Variants in POMT1 observed in about 807,000 individuals in gnomAD.
POMT1 encodes the protein protein O-mannosyltransferase 1, also known as protein O-mannosyl-transferase 1.
In POMT1, 85 loss-of-function variants were observed where a neutral mutation model predicts 101.6. The ratio of observed to expected loss-of-function variants is 0.84; its 90% CI spans 0.70 to 1.00. POMT1 has a LOEUF of 1.00. POMT1 is among the 50% of genes least tolerant of loss of function. The pLI, the probability that POMT1 is intolerant of heterozygous loss-of-function variation, is 0.00. For synonymous variants in POMT1, 371 were observed against 383.0 expected (o/e 0.97, Z 0.37); for missense variants, 857 against 930.4 (o/e 0.92, Z 1.03).
chr9:131,514,800 A>T (rs1030806327), intron 12 of POMT1, among the ~76,000 whole-genome samples: 2 of 152,206 alleles, frequency 1.3e-5, no homozygotes, highest in Non-Finnish European at 1.5e-5. Flanking sequence ...TACTAAAAAT[A>T]CAAAAATTAG....
rs1424629668 is a variant in POMT1 at position 131,507,454 on chromosome 9, G to T, written c.367G>T (p.Val123Leu). 12 of 1,614,086 alleles carry T rather than the reference G, an allele frequency of 7.4e-6. No individual in the cohort carries two copies. The Admixed American group carries it at 2.0e-4, about 27-fold the overall frequency. Residue 123 changes from valine (V) to leucine (L), a missense_variant, in exon 5 of 20, where the codon GTG becomes TTG. By Grantham distance (32) the Val-to-Leu change is conservative. Coordinates refer to ENST00000402686, the MANE Select transcript of POMT1 (RefSeq NM_001077365.2). ...ALSVPMAYQI[V>L]LELHFSHCAA... ...GTCGGTCCCCATGGCCTACCAGATA[G>T]TGTTGGAGCTCCACTTTTCTCATTG... is the stretch of plus-strand genomic sequence containing the variant.
At chr9:131,521,555 C>G in intron 18 of POMT1, 83 bp downstream of exon 18, 24 of 1,513,244 alleles carry the variant, frequency 1.6e-5, no homozygotes, top group Non-Finnish European at 2.2e-5. Flanking sequence ...TTCTTGAACT[C>G]CTGGGCTTAA....
intron 9 of POMT1, 184 bp downstream of exon 9, chr9:131,510,599 C>T: frequency 1.3e-6 from 1 of 790,018 alleles, no homozygotes; most frequent in South Asian, 1.6e-5. Flanking sequence ...CGCCTCCTGG[C>T]TTCAAGCGAT....
At chr9:131,518,779 T>TGGACACGGG in intron 14 of POMT1, 58 bp from the exon 15 acceptor site, 1 of 1,613,332 alleles carries the variant, frequency 6.2e-7, no homozygotes, top group East Asian at 2.2e-5. Context: ...CCAACCCAAG[T>TGGACACGGG]GGACACGGGA....
rs1363878893 is a variant in POMT1, at chr9:131,519,079, G to A, written c.1486+122G>A. The stretch of plus-strand genomic sequence containing the variant: ...ACTGAGCACATTCTCCATGCTCGGT[G>A]GCAGGTCATCTCCCTCCCTGCACCC... On this transcript the variant is annotated intron_variant, in intron 15 of 19. Transcript: ENST00000402686. The surrounding 1 kb of genome is among the most constrained non-coding windows in gnomAD (Gnocchi z 4.3). The A allele has an allele frequency of 6.8e-7, 1 of 1,477,590 alleles. No individual in the cohort carries two copies. The highest frequency in any genetic ancestry group is 1.4e-5 in the African/African-American group (1 of 72,004). 91.5% of individuals were successfully genotyped at this position (1,477,590 alleles called of 1,614,324 possible). A position where few individuals can be genotyped will look rare whatever the true frequency, so the allele number is the denominator to read the frequency against.
chr9:131,511,247 C>A (rs1047361412), intron 9 of POMT1, 90 bp from the exon 10 acceptor site: 1 of 1,394,538 alleles, frequency 7.2e-7, no homozygotes, highest in South Asian at 1.3e-5. Context: ...CTAAACATCA[C>A]CCCAGAGGGA....
At chr9:131,504,747 A>ATATGTGTGTGTGTGTGTGTGTG (rs56692415) in intron 2 of POMT1, among the ~76,000 whole-genome samples, 1 of 122,700 alleles carries the variant, frequency 8.1e-6, no homozygotes, top group Non-Finnish European at 1.7e-5. Flanking sequence ...TAACTGATTA[A>ATATGTGTGTGTGTGTGTGTGTG]TGTGTGTATG....
At position 131,519,612 on chromosome 9, in the gene POMT1, A is replaced by G. The variant is rs1949506274; in HGVS notation, c.1584+126A>G. On this transcript the variant is annotated intron_variant, in intron 16 of 19. Transcript: ENST00000402686. This position sits in a 1 kb window ranked among gnomAD's most constrained non-coding sequence, Gnocchi z 4.3. Reference sequence around the variant, plus strand: ...GACGCTGGAGCTACAGGCTCACAACAGAATGAGTGTCTCCTCTCTCCAGTG... The same window carrying G: ...GACGCTGGAGCTACAGGCTCACAACGGAATGAGTGTCTCCTCTCTCCAGTG... 1 of 895,464 alleles carries G rather than the reference A, an allele frequency of 1.1e-6. No individual in the cohort carries two copies. The highest frequency in any genetic ancestry group is 2.0e-5 in the Admixed American group (1 of 49,938). The allele number at this position is 895,464 out of a possible 1,614,324, so 55.5% of individuals were successfully genotyped here.
At position 131,515,447 on chromosome 9, in the gene POMT1, G is replaced by C. The variant is rs764535220; in HGVS notation, c.1197G>C (p.Leu399=). Residue 399 remains leucine (L), a synonymous_variant, in exon 13 of 20, where the codon CTG becomes CTC. Coordinates refer to ENST00000402686, the MANE Select transcript of POMT1 (RefSeq NM_001077365.2). ...SLNTHDVAAP[L]SPHSQEVSCY... Reference sequence around the variant, plus strand: ...CCAGGCATGATGTTGCAGCCCCCCTGAGCCCCCATTCACAGGAGGTCTCCT... The same window carrying C: ...CCAGGCATGATGTTGCAGCCCCCCTCAGCCCCCATTCACAGGAGGTCTCCT... 4 of 1,614,042 alleles carry C rather than the reference G, an allele frequency of 2.5e-6. No individual in the cohort carries two copies. In the African/African-American group the frequency reaches 4.0e-5, roughly 16 times the overall value.
At chr9:131,511,117 A>C (rs1947027470) in intron 9 of POMT1, 14 of 551,264 alleles carry the variant, frequency 2.5e-5, no homozygotes. Context: ...GGAAGGCTGA[A>C]CTGAGTGCCT....
rs138861360 is a variant in POMT1 at position 131,514,907 on chromosome 9, G to T, written c.1176-519G>T. Among the ~76,000 whole-genome samples the T allele has an allele frequency of 9.5e-3, 1,441 of 152,324 alleles. 27 individuals are homozygous for T. Among genetic ancestry groups the T allele is most frequent in the African/African-American group, 0.033 (1,363 of 41,566 alleles). On this transcript the variant is annotated intron_variant, in intron 12 of 19. Transcript: ENST00000402686. ...GGAGGCAGAGATTGCAGTGAGCTGA[G>T]ATCGCGCCATTTGCACTCCAGCCTG... is the stretch of plus-strand genomic sequence containing the variant.
chr9:131,510,312 C>T lies in POMT1; in HGVS notation c.752C>T (p.Pro251Leu), dbSNP rs139660235. 46 of 1,614,070 alleles carry T rather than the reference C, an allele frequency of 2.8e-5. No individual in the cohort carries two copies. The highest frequency in any genetic ancestry group is 1.6e-4 in the African/African-American group (12 of 74,924). Residue 251 changes from proline (P) to leucine (L), a missense_variant, in exon 9 of 20, where the codon CCG becomes CTG. Coordinates refer to ENST00000402686, the MANE Select transcript of POMT1 (RefSeq NM_001077365.2). ...CGAGCAGTGGCTTTGCTGGTCATCC[C>T]GGTCGTCCTGTACTTACTGTTCTTC... ...LARAVALLVI[P>L]VVLYLLFFYV...
At chr9:131,516,059 AACACAGGACACTTCCTC>A (rs1385390222) in intron 13 of POMT1, among the ~76,000 whole-genome samples, 105 of 78,666 alleles carry the variant, frequency 1.3e-3, no homozygotes, top group African/African-American at 2.7e-3. Context: ...CACTTCCTCT[AACACAGGACACTTCCTC>A]ACACGGAGCA....
chr9:131,508,800 CCA>C (rs1400790837), intron 5 of POMT1, 109 bp from the exon 6 acceptor site: 1 of 761,318 alleles, frequency 1.3e-6, no homozygotes, highest in Non-Finnish European at 2.3e-6. Flanking sequence ...CACAACAGCC[CCA>C]CACAGTTGTA....
intron 5 of POMT1, 122 bp from the exon 6 acceptor site, chr9:131,508,789 T>A (rs992720395): frequency 1.4e-6 from 1 of 727,958 alleles, no homozygotes; most frequent in African/African-American, 1.7e-5. Context: ...GTTTTAACAT[T>A]CACAACAGCC....
Position 131,513,255 on chromosome 9 carries a change from A to G in POMT1, c.1099A>G (p.Ser367Gly). The change falls in exon 12 of 20, where the codon AGC (serine) becomes GGC (glycine). Residue 367 changes from serine to glycine, a missense_variant. Physicochemically the swap from Ser to Gly is moderately conservative, Grantham distance 56. Transcript: ENST00000402686. Reference protein sequence around the residue: ...KDPRRHQLVVSSPPRPVRHGD... With the variant: ...KDPRRHQLVVGSPPRPVRHGD... ...GTCTTCCAGGCACCAGCTGGTGGTG[A>G]GCAGCCCTCCGAGACCTGTGAGGCA... 6.2e-7 allele frequency: 1 copy of G among 1,612,836 alleles called. No individual in the cohort carries two copies. The highest frequency in any genetic ancestry group is 8.5e-7 in the Non-Finnish European group (1 of 1,179,920).
chr9:131,509,585 T>C (rs1040182716), intron 6 of POMT1, among the ~76,000 whole-genome samples, 158 bp from the exon 7 acceptor site: 1 of 152,258 alleles, frequency 6.6e-6, no homozygotes, highest in African/African-American at 2.4e-5. Flanking sequence ...TCTGCTGGGA[T>C]GGATACTTTG....
intron 1 of POMT1, 143 bp from the exon 2 acceptor site, chr9:131,504,046 C>G (rs1268138712): frequency 1.1e-6 from 1 of 939,994 alleles, no homozygotes; most frequent in East Asian, 2.6e-5. Flanking sequence ...CTACCTGAAC[C>G]AAGGCTCCAG....
At chr9:131,504,083 G>C (rs1945184033) in intron 1 of POMT1, 106 bp from the exon 2 acceptor site, 1 of 1,362,650 alleles carries the variant, frequency 7.3e-7, no homozygotes, top group Admixed American at 1.7e-5. Context: ...CAGCAGCCCG[G>C]CTGTGCTGTG....
Sources: allele counts gnomAD v4.1 joint callset (sites outside exome capture counted in the v4.1 genomes callset), GRCh38; gene constraint gnomAD v4.1.1; non-coding constraint Gnocchi (gnomAD v3.1); transcripts MANE v1.5; gene names NCBI Gene and HGNC (gene_info 2026-07-23, HGNC 2026-07-21).